ADARB2: variants seen among roughly 807,000 people sequenced by gnomAD.
ADARB2 encodes adenosine deaminase RNA specific B2 (inactive), also known as inactive double-stranded RNA-specific editase B2.
ADARB2 carries 25 observed loss-of-function variants against 62.2 expected under a neutral mutation model. That is an observed-to-expected ratio of 0.40 (90% CI 0.29 to 0.56). ADARB2 has a LOEUF of 0.56. Ranked by LOEUF, ADARB2 falls within the 20% of genes least tolerant of loss-of-function variation. The pLI, the probability that ADARB2 is intolerant of heterozygous loss-of-function variation, is 0.43. For synonymous variants in ADARB2, 572 were observed against 500.8 expected (o/e 1.14, Z -1.90); for missense variants, 1,071 against 1,077.4 (o/e 0.99, Z 0.08).
chr10:1,691,501 A>G (rs1834672068), intron 1 of ADARB2, among the ~76,000 whole-genome samples: 2 of 152,186 alleles, frequency 1.3e-5, no homozygotes, highest in African/African-American at 4.8e-5. Flanking sequence ...ACTGCTGGCT[A>G]CAGGCTAGGA....
chr10:1,275,192 G>A (rs1831303659), intron 3 of ADARB2, among the ~76,000 whole-genome samples: 1 of 152,232 alleles, frequency 6.6e-6, no homozygotes, highest in African/African-American at 2.4e-5. Flanking sequence ...CACTGGGGAG[G>A]GCTTGCATGG....
intron 1 of ADARB2, among the ~76,000 whole-genome samples, chr10:1,510,886 C>T (rs28681112): frequency 0.021 from 3,186 of 152,286 alleles, 113 homozygotes; most frequent in African/African-American, 0.071. Context: ...TCTTTCTTGA[C>T]GCTGTCACCC....
At chr10:1,689,789 G>C (rs954436214) in intron 1 of ADARB2, among the ~76,000 whole-genome samples, 2 of 152,194 alleles carry the variant, frequency 1.3e-5, no homozygotes, top group African/African-American at 4.8e-5. Context: ...CATTTGCTAA[G>C]ATGGACTTGT....
chr10:1,700,203 G>A (rs1429832947), intron 1 of ADARB2, among the ~76,000 whole-genome samples: 1 of 15,956 alleles, frequency 6.3e-5, no homozygotes, highest in African/African-American at 1.7e-4. Context: ...GAGACCAGGC[G>A]CTCGCCAATA....
chr10:1,178,868 A>T lies in ADARB2; in HGVS notation c.*4325T>A, dbSNP rs895746374. 5 of 152,200 alleles carry T rather than the reference A, an allele frequency of 3.3e-5. No individual in the cohort carries two copies. Among genetic ancestry groups the T allele is most frequent in the African/African-American group, 1.2e-4 (5 of 41,446 alleles). The allele number at this position is 152,200 out of a possible 1,614,324, so 9.4% of individuals were successfully genotyped here. A position where few individuals can be genotyped will look rare whatever the true frequency, so the allele number is the denominator to read the frequency against. The stretch of plus-strand genomic sequence containing the variant: ...GCCTCACCGGGTTCTGTTGGGTGTT[A>T]TGAGAGGCGGCTGCAGCGATCCAAC... On this transcript the variant is annotated 3_prime_UTR_variant, in exon 10 of 10. Transcript: ENST00000381312.
At chr10:1,665,007 G>A (rs1481187863) in intron 1 of ADARB2, among the ~76,000 whole-genome samples, 1 of 152,174 alleles carries the variant, frequency 6.6e-6, no homozygotes, top group Non-Finnish European at 1.5e-5. Flanking sequence ...GAGATTCAAG[G>A]TGAGTCATGC....
At chr10:1,574,296 G>T (rs1168648314) in intron 1 of ADARB2, among the ~76,000 whole-genome samples, 1 of 152,224 alleles carries the variant, frequency 6.6e-6, no homozygotes, top group African/African-American at 2.4e-5. Flanking sequence ...AGATGATGAG[G>T]TGTCAGGCTG....
At chr10:1,328,988 C>A (rs553158135) in intron 3 of ADARB2, among the ~76,000 whole-genome samples, 1 of 122,366 alleles carries the variant, frequency 8.2e-6, no homozygotes, top group Non-Finnish European at 1.6e-5. Flanking sequence ...CAGAACAAGA[C>A]CCTGTCTTAA....
rs1036169029 is a variant in ADARB2 at position 1,347,772 on chromosome 10, G to C, written c.1077+15256C>G. Among the ~76,000 whole-genome samples the C allele has an allele frequency of 2.0e-5, 3 of 152,214 alleles. No individual in the cohort carries two copies. In the East Asian group the frequency reaches 5.8e-4, roughly 29 times the overall value. ...CTGGACCCCACGTACGCAGTGCACC[G>C]AAGGCACCCCCAGTGGACACCAGGA... On this transcript the variant is annotated intron_variant, in intron 3 of 9. Transcript: ENST00000381312.
chr10:1,717,788 G>A (rs1472615953), intron 1 of ADARB2, among the ~76,000 whole-genome samples: 1 of 151,966 alleles, frequency 6.6e-6, no homozygotes, highest in Non-Finnish European at 1.5e-5. Flanking sequence ...ATGTAGGCTA[G>A]GCTGGTCTTG....
chr10:1,465,325 G>A (rs891232541), intron 1 of ADARB2, among the ~76,000 whole-genome samples: 1 of 152,186 alleles, frequency 6.6e-6, no homozygotes, highest in Admixed American at 6.5e-5. Flanking sequence ...TCAAAACCCA[G>A]CACCGTGCAC....
At chr10:1,710,491 A>G (rs1040548283) in intron 1 of ADARB2, among the ~76,000 whole-genome samples, 1 of 150,604 alleles carries the variant, frequency 6.6e-6, no homozygotes, top group African/African-American at 2.5e-5. Context: ...AGCTGGAGGG[A>G]TAAGGATGAG....
intron 1 of ADARB2, among the ~76,000 whole-genome samples, chr10:1,419,512 A>T (rs1463871695): frequency 1.3e-5 from 2 of 152,222 alleles, no homozygotes; most frequent in Non-Finnish European, 2.9e-5. Context: ...ATGTAAACCG[A>T]GTTATAGCAA....
At chr10:1,417,484 G>A (rs897291652) in intron 1 of ADARB2, among the ~76,000 whole-genome samples, 1 of 152,158 alleles carries the variant, frequency 6.6e-6, no homozygotes, top group African/African-American at 2.4e-5. Flanking sequence ...AAGGATGAAG[G>A]GTTGTGGAAG....
intron 1 of ADARB2, among the ~76,000 whole-genome samples, chr10:1,499,211 C>T (rs1405467642): frequency 6.6e-6 from 1 of 151,946 alleles, no homozygotes; most frequent in African/African-American, 2.4e-5. Flanking sequence ...ACTTAACACT[C>T]ATTCATTACT....
intron 1 of ADARB2, among the ~76,000 whole-genome samples, chr10:1,447,539 C>A (rs1053332459): frequency 2.0e-5 from 3 of 150,720 alleles, no homozygotes; most frequent in Admixed American, 6.6e-5. Context: ...GAAGACAGAT[C>A]ATATGTAATT....
intron 1 of ADARB2, among the ~76,000 whole-genome samples, chr10:1,497,107 C>T (rs1420833590): frequency 6.6e-6 from 1 of 152,110 alleles, no homozygotes; most frequent in Non-Finnish European, 1.5e-5. Flanking sequence ...TTCTATAAGC[C>T]TAAGTCGTCA....
chr10:1,184,509 A>G (rs552355571), intron 9 of ADARB2, among the ~76,000 whole-genome samples: 33 of 152,250 alleles, frequency 2.2e-4, no homozygotes, highest in African/African-American at 7.9e-4. Flanking sequence ...CGGTTTCCTG[A>G]TATCTAAACC....
In ADARB2 at chr10:1,178,660, A is replaced by G. The variant is rs1836621908; in HGVS notation, c.*4533T>C. ...AGGCGGGGGGTGGTCTGTCCCTGCT[A>G]AGAGCTGCCTGGGGGTGCTACTGCC... On this transcript the variant is annotated 3_prime_UTR_variant, in exon 10 of 10. Transcript: ENST00000381312. 1 of 152,216 alleles carries G rather than the reference A, an allele frequency of 6.6e-6. No homozygotes were observed. The highest frequency in any genetic ancestry group is 1.5e-5 in the Non-Finnish European group (1 of 68,052). 9.4% of individuals were successfully genotyped at this position (152,216 alleles called of 1,614,324 possible). A position where few individuals can be genotyped will look rare whatever the true frequency, so the allele number is the denominator to read the frequency against.
Sources: gnomAD v4.1 joint callset for allele counts (sites outside exome capture counted in the v4.1 genomes callset) on GRCh38, gnomAD v4.1.1 for gene constraint, MANE v1.5 for transcripts, NCBI Gene and HGNC (gene_info 2026-07-23, HGNC 2026-07-21) for gene names.